ADCYAP1R1: variants seen among roughly 807,000 people sequenced by gnomAD.
ADCYAP1R1 encodes the protein ADCYAP receptor type I.
ADCYAP1R1 carries 44 observed loss-of-function variants against 67.6 expected under a neutral mutation model. The ratio of observed to expected loss-of-function variants is 0.65; its 90% CI spans 0.51 to 0.84. The LOEUF is 0.84. Among genes scored for constraint, ADCYAP1R1 ranks in the 40% least tolerant of loss-of-function variants. ADCYAP1R1 has a pLI of 0.00. For synonymous variants in ADCYAP1R1, 222 were observed against 219.6 expected, an observed-to-expected ratio of 1.01 and a Z score of -0.10; for missense variants, 477 against 587.9, an observed-to-expected ratio of 0.81 and a Z score of 1.95.
chr7:31,078,618 G>C (rs568157520), intron 4 of ADCYAP1R1, among the ~76,000 whole-genome samples: 1 of 152,366 alleles, frequency 6.6e-6, no homozygotes, highest in Non-Finnish European at 1.5e-5. Flanking sequence ...GGGGAAGGCA[G>C]CTGGACACAA....
Position 31,086,718 on chromosome 7 carries a change from A to G in ADCYAP1R1, c.823+181A>G, listed in dbSNP as rs772436242. Among the ~76,000 whole-genome samples, 1 of 152,140 alleles carries G rather than the reference A, an allele frequency of 6.6e-6. No individual in the cohort carries two copies. Among genetic ancestry groups the G allele is most frequent in the Non-Finnish European group, 1.5e-5 (1 of 68,032 alleles). ...TCTTCTTGCCTGTGGAAAGCCCACTATCTCAGGGAGGAGTTAAATCCAGGA... is the reference window on the plus strand; with the variant it reads ...TCTTCTTGCCTGTGGAAAGCCCACTGTCTCAGGGAGGAGTTAAATCCAGGA... On this transcript the variant is annotated intron_variant, in intron 10 of 15. Coordinates refer to ENST00000304166, the MANE Select transcript of ADCYAP1R1 (RefSeq NM_001118.5). This position sits in a 1 kb window ranked among gnomAD's most constrained non-coding sequence, Gnocchi z 5.0.
Position 31,053,074 on chromosome 7 carries a change from C to A in ADCYAP1R1, c.-72+396C>A, listed in dbSNP as rs540869270. Among the ~76,000 whole-genome samples, 3 of 152,142 alleles carry A rather than the reference C, an allele frequency of 2.0e-5. No individual in the cohort carries two copies. The East Asian group carries it at 5.8e-4, about 30-fold the overall frequency. On this transcript the variant is annotated intron_variant, in intron 1 of 15. Coordinates refer to ENST00000304166, the MANE Select transcript of ADCYAP1R1 (RefSeq NM_001118.5). ...GACCCGGAGGGACATGCCTCCCTAC[C>A]CTTAGGTGGACGGACGCACCTACGC... is the stretch of plus-strand genomic sequence containing the variant.
At position 31,063,211 on chromosome 7, in the gene ADCYAP1R1, G is replaced by C; in HGVS notation, c.-54G>C. 2 of 1,609,348 alleles carry C rather than the reference G, an allele frequency of 1.2e-6. No individual in the cohort carries two copies. Among genetic ancestry groups the C allele is most frequent in the African/African-American group, 2.7e-5 (2 of 74,964 alleles). On this transcript the variant is annotated 5_prime_UTR_variant, in exon 2 of 16. Coordinates refer to ENST00000304166, the MANE Select transcript of ADCYAP1R1 (RefSeq NM_001118.5). ...CTCTCTAGCCCAGAGACACATTGGG[G>C]CTGACCTGCCGCTGCTGTCAGTGGG... is the stretch of plus-strand genomic sequence containing the variant.
intron 12 of ADCYAP1R1, among the ~76,000 whole-genome samples, chr7:31,090,721 G>T (rs903137765): frequency 1.3e-5 from 2 of 152,208 alleles, no homozygotes; most frequent in African/African-American, 4.8e-5. Context: ...GCCTCCAGCT[G>T]TGTCCATGTT....
intron 3 of ADCYAP1R1, among the ~76,000 whole-genome samples, chr7:31,069,271 A>G (rs1562632811): frequency 1.3e-5 from 2 of 152,180 alleles, no homozygotes; most frequent in African/African-American, 4.8e-5. Context: ...CAAAGAATCG[A>G]CATCTGTGCG....
chr7:31,066,121 T>G (rs1013799971), intron 3 of ADCYAP1R1, among the ~76,000 whole-genome samples: 6 of 152,100 alleles, frequency 3.9e-5, no homozygotes, highest in African/African-American at 1.4e-4. Flanking sequence ...CCAAAGAATA[T>G]CCCAAGAATA....
intron 14 of ADCYAP1R1, among the ~76,000 whole-genome samples, chr7:31,104,239 A>G (rs1584550880): frequency 1.3e-5 from 2 of 152,152 alleles, no homozygotes; most frequent in Admixed American, 1.3e-4. Context: ...TCCTTGAGCT[A>G]TCATTCTTCC....
rs1270913282 is a variant in ADCYAP1R1 at position 31,086,391 on chromosome 7, G to A, written c.677G>A (p.Cys226Tyr). 1.9e-6 allele frequency: 3 copies of A among 1,614,010 alleles called. No individual in the cohort carries two copies. Among genetic ancestry groups the A allele is most frequent in the Non-Finnish European group, 2.5e-6 (3 of 1,179,992 alleles). ...TGGCGCTTCTCCCTGCAGGTGGAAT[G>A]TAAGGCCGTCATGGTTTTCTTCCAC... The part of the protein sequence containing the change: ...SNHCFISTVE[C>Y]KAVMVFFHYC... Residue 226 changes from cysteine to tyrosine, a missense_variant, in exon 10 of 16, where the codon TGT becomes TAT. By Grantham distance (194) the Cys-to-Tyr change is radical (BLOSUM62 -2). Transcript: ENST00000304166. This position sits in a 1 kb window ranked among gnomAD's most constrained non-coding sequence, Gnocchi z 5.0.
Position 31,100,312 on chromosome 7 carries a change from C to T in ADCYAP1R1, c.1047-2925C>T. 7.7e-6 allele frequency: 9 copies of T among 1,169,882 alleles called. No individual in the cohort carries two copies. The South Asian group carries it at 1.1e-4, about 14-fold the overall frequency. 72.5% of individuals were successfully genotyped at this position (1,169,882 alleles called of 1,614,324 possible). A position where few individuals can be genotyped will look rare whatever the true frequency, so the allele number is the denominator to read the frequency against. ...AGGAGAGTGGAGAGCCAGCCTCTGCCTCCCAGCCCCAACCCATTCCCGGCT... is the reference window on the plus strand; with the variant it reads ...AGGAGAGTGGAGAGCCAGCCTCTGCTTCCCAGCCCCAACCCATTCCCGGCT... On this transcript the variant is annotated intron_variant, in intron 13 of 15. Transcript: ENST00000304166.
At chr7:31,058,333 C>T (rs1223430235) in intron 1 of ADCYAP1R1, among the ~76,000 whole-genome samples, 1 of 152,198 alleles carries the variant, frequency 6.6e-6, no homozygotes, top group African/African-American at 2.4e-5. Context: ...TGATGCTATC[C>T]TGTGTGTGCA....
At chr7:31,055,674 T>A (rs1307246111) in intron 1 of ADCYAP1R1, among the ~76,000 whole-genome samples, 3 of 152,186 alleles carry the variant, frequency 2.0e-5, no homozygotes, top group South Asian at 2.1e-4. Flanking sequence ...ACAGGCTGGA[T>A]CTGACTGGCT....
chr7:31,056,085 C>CTTG (rs1794228767), intron 1 of ADCYAP1R1, among the ~76,000 whole-genome samples: 1 of 152,228 alleles, frequency 6.6e-6, no homozygotes, highest in African/African-American at 2.4e-5. Flanking sequence ...ACACGGAAAC[C>CTTG]TGGGCATGCC....
chr7:31,100,227 G>T (rs761185025), intron 13 of ADCYAP1R1: 1 of 1,549,864 alleles, frequency 6.5e-7, no homozygotes, highest in Non-Finnish European at 8.7e-7. Flanking sequence ...GTGCGTGGCC[G>T]AGGCTGTGGC....
At chr7:31,078,193 G>A (rs1244615205) in intron 4 of ADCYAP1R1, 95 bp downstream of exon 4, 4 of 911,430 alleles carry the variant, frequency 4.4e-6, no homozygotes, top group African/African-American at 1.7e-5. Context: ...GCCACCCTGT[G>A]GGCAGACAGT....
At chr7:31,099,985 C>T in intron 13 of ADCYAP1R1, 1 of 762,208 alleles carries the variant, frequency 1.3e-6, no homozygotes, top group South Asian at 1.7e-5. Flanking sequence ...CATGTCTTGG[C>T]CCTTGGCTCC....
intron 13 of ADCYAP1R1, chr7:31,095,805 C>T (rs996577150): frequency 2.3e-5 from 16 of 709,198 alleles, no homozygotes; most frequent in East Asian, 1.6e-4. Context: ...TAGACCAAGA[C>T]GGTATTCCTG....
At chr7:31,058,370 C>G (rs1426943037) in intron 1 of ADCYAP1R1, among the ~76,000 whole-genome samples, 1 of 152,176 alleles carries the variant, frequency 6.6e-6, no homozygotes, top group African/African-American at 2.4e-5. Context: ...GGTGCAGCGA[C>G]TCAGAGGAGG....
chr7:31,072,982 G>A (rs1795051922), intron 3 of ADCYAP1R1, among the ~76,000 whole-genome samples: 1 of 152,166 alleles, frequency 6.6e-6, no homozygotes, highest in African/African-American at 2.4e-5. Flanking sequence ...CTTAACTCTG[G>A]AAAAGGCAAG....
chr7:31,107,583 A>T lies in ADCYAP1R1; in HGVS notation c.*899A>T, dbSNP rs1796700312. ...GGATGCCTTCCAGAAGCTGTCTCCA[A>T]CCATGCACACCACAGAGAGCCCTTA... is the stretch of plus-strand genomic sequence containing the variant. On this transcript the variant is annotated 3_prime_UTR_variant, in exon 16 of 16. Transcript: ENST00000304166. 6.6e-6 allele frequency: 1 copy of T among 152,076 alleles called. No homozygotes were observed. 9.4% of individuals were successfully genotyped at this position (152,076 alleles called of 1,614,324 possible). A position where few individuals can be genotyped will look rare whatever the true frequency, so the allele number is the denominator to read the frequency against.
Sources: allele counts gnomAD v4.1 joint callset (sites outside exome capture counted in the v4.1 genomes callset), GRCh38; gene constraint gnomAD v4.1.1; non-coding constraint Gnocchi (gnomAD v3.1); transcripts MANE v1.5; gene names NCBI Gene and HGNC (gene_info 2026-07-23, HGNC 2026-07-21).